Variants in ENTPD1 observed in about 807,000 individuals in gnomAD.
The protein encoded by ENTPD1 is ATP diphosphohydrolase.
Under a neutral mutation model 57.0 loss-of-function variants are expected in ENTPD1, and 33 were observed. The observed-to-expected ratio is 0.58, with a 90% confidence interval of 0.44 to 0.77. The LOEUF (loss-of-function observed/expected upper bound fraction) is 0.77. Ranked by LOEUF, ENTPD1 falls within the 30% of genes least tolerant of loss-of-function variation. ENTPD1 has a pLI of 0.00. For synonymous variants in ENTPD1, 202 were observed against 218.8 expected (o/e 0.92, Z 0.68); for missense variants, 501 against 603.4 (o/e 0.83, Z 1.78).
At chr10:95,772,300 T>C (rs2098118426) in intron 1 of ENTPD1, among the ~76,000 whole-genome samples, 1 of 152,240 alleles carries the variant, frequency 6.6e-6, no homozygotes, top group Non-Finnish European at 1.5e-5. Flanking sequence ...CAGATTTCTC[T>C]GTAGCATGTG....
At position 95,785,308 on chromosome 10, in the gene ENTPD1, T is replaced by C. The variant is rs373235109; in HGVS notation, c.16+29053T>C. ...AGATAAACCTACCTTCCAATCATAGTTCTGCTTCTTACTAGCTGTCCCACC... is the reference window on the plus strand; with the variant it reads ...AGATAAACCTACCTTCCAATCATAGCTCTGCTTCTTACTAGCTGTCCCACC... On this transcript the variant is annotated intron_variant, in intron 1 of 9. Coordinates refer to ENST00000371205, the MANE Select transcript of ENTPD1 (RefSeq NM_001776.6). 3 of 152,368 alleles carry C rather than the reference T, an allele frequency of 2.0e-5. No individual in the cohort carries two copies. In the South Asian group the frequency reaches 6.2e-4, roughly 32 times the overall value. The allele number at this position is 152,368 out of a possible 1,614,324, so 9.4% of individuals were successfully genotyped here.
intron 6 of ENTPD1, chr10:95,845,865 G>A (rs528954114): frequency 2.0e-6 from 1 of 511,620 alleles, no homozygotes; most frequent in South Asian, 2.3e-5. Flanking sequence ...TCGTGGGGTT[G>A]ATAATGAAAA....
At chr10:95,845,262 G>A in intron 5 of ENTPD1, 95 bp from the exon 6 acceptor site, 2 of 1,581,500 alleles carry the variant, frequency 1.3e-6, no homozygotes, top group Non-Finnish European at 1.7e-6. Context: ...TTATGCCCCT[G>A]TTTCTTTGCC....
chr10:95,721,816 C>T (rs1431171688), intron 1 of ENTPD1, among the ~76,000 whole-genome samples: 5 of 152,116 alleles, frequency 3.3e-5, no homozygotes, highest in East Asian at 3.8e-4. Context: ...CTCTGCTTAT[C>T]GGGTTAGTTA....
At chr10:95,694,701 T>G in the ENTPD1 span, among the ~76,000 whole-genome samples, 1 of 151,876 alleles carries the variant, frequency 6.6e-6, no homozygotes, top group Non-Finnish European at 1.5e-5. Flanking sequence ...AATGGCAAAT[T>G]TTTTAAGCCT....
intron 1 of ENTPD1, among the ~76,000 whole-genome samples, chr10:95,783,231 A>G (rs1013712931): frequency 1.2e-4 from 18 of 152,198 alleles, no homozygotes; most frequent in Non-Finnish European, 1.2e-4. Context: ...CCTAATTCAC[A>G]GTGATTTGTA....
chr10:95,705,092 A>G, the ENTPD1 span, among the ~76,000 whole-genome samples: 428 of 152,302 alleles, frequency 2.8e-3, 2 homozygotes, highest in African/African-American at 1.0e-2. Context: ...AGAATTCCAT[A>G]TCTTTTAAAG....
upstream of ENTPD1, among the ~76,000 whole-genome samples, chr10:95,707,896 C>T (rs947273482): frequency 5.9e-5 from 9 of 152,184 alleles, no homozygotes; most frequent in African/African-American, 1.7e-4. Flanking sequence ...TGAGCCACCT[C>T]TCCTAGCCAT....
chr10:95,756,838 A>G (rs1188429501), intron 1 of ENTPD1: 1 of 147,032 alleles, frequency 6.8e-6, no homozygotes, highest in Non-Finnish European at 1.5e-5. Flanking sequence ...TGTGGGGGAC[A>G]GAGTGGGGGA....
At chr10:95,808,178 T>C (rs1248918665) in intron 1 of ENTPD1, among the ~76,000 whole-genome samples, 2 of 152,202 alleles carry the variant, frequency 1.3e-5, no homozygotes. Flanking sequence ...GAGATAACCA[T>C]GTGGTTTTTG....
chr10:95,810,458 G>A (rs2098300659), intron 1 of ENTPD1, among the ~76,000 whole-genome samples: 1 of 150,214 alleles, frequency 6.7e-6, no homozygotes, highest in Non-Finnish European at 1.5e-5. Flanking sequence ...CAGCCGGGCA[G>A]AGGCGCTCCT....
chr10:95,738,919 C>A (rs2097997382), intron 1 of ENTPD1, among the ~76,000 whole-genome samples: 1 of 152,096 alleles, frequency 6.6e-6, no homozygotes, highest in Admixed American at 6.6e-5. Context: ...AGGTATACTT[C>A]AGAGATATTG....
chr10:95,828,873 G>C (rs2098387328), intron 2 of ENTPD1, among the ~76,000 whole-genome samples: 1 of 152,028 alleles, frequency 6.6e-6, no homozygotes. Flanking sequence ...ACCACACCCG[G>C]CTAATTTTTG....
rs116179372 is a variant in ENTPD1 at position 95,866,835 on chromosome 10, C to T, written c.*452C>T. On this transcript the variant is annotated 3_prime_UTR_variant, in exon 10 of 10. Coordinates refer to ENST00000371205, the MANE Select transcript of ENTPD1 (RefSeq NM_001776.6). ...CCTGTTTGCCATCCATTAAGAAAGC[C>T]ATATGATGCCTTTGGAGAAGGCAGA... 1,214 of 1,052,578 alleles carry T rather than the reference C, an allele frequency of 1.2e-3. 7 individuals are homozygous for T. In the African/African-American group the frequency reaches 0.019, roughly 17 times the overall value. 65.2% of individuals were successfully genotyped at this position (1,052,578 alleles called of 1,614,324 possible). A position where few individuals can be genotyped will look rare whatever the true frequency, so the allele number is the denominator to read the frequency against.
rs1288158494 is a variant in ENTPD1 at position 95,871,576 on chromosome 10, A to G, written c.*5193A>G. Reference sequence around the variant, plus strand: ...TATCACAGGTATAATGGATTTTTCAATAGTGAGGAGGTGCCTCCATGAGCC... The same window carrying G: ...TATCACAGGTATAATGGATTTTTCAGTAGTGAGGAGGTGCCTCCATGAGCC... On this transcript the variant is annotated 3_prime_UTR_variant, in exon 10 of 10. Transcript: ENST00000371205. 5.1e-6 allele frequency: 5 copies of G among 985,354 alleles called. No homozygotes were observed. The African/African-American group carries it at 8.7e-5, about 17-fold the overall frequency. 61.0% of individuals were successfully genotyped at this position (985,354 alleles called of 1,614,324 possible). A position where few individuals can be genotyped will look rare whatever the true frequency, so the allele number is the denominator to read the frequency against.
chr10:95,810,067 C>T (rs2098297147), intron 1 of ENTPD1, among the ~76,000 whole-genome samples: 3 of 117,534 alleles, frequency 2.6e-5, no homozygotes, highest in South Asian at 3.1e-4. Context: ...CAGACAGGGT[C>T]GCGGTCGGGC....
rs980684205 is a variant in ENTPD1 at position 95,872,065 on chromosome 10, C to G, written c.*5682C>G. On this transcript the variant is annotated 3_prime_UTR_variant, in exon 10 of 10. Transcript: ENST00000371205. ...GCTCCATCACTGGGACCTCCCCATT[C>G]TGCCTGTGCAATATTTTTCTTTTTT... 4 of 985,326 alleles carry G rather than the reference C, an allele frequency of 4.1e-6. No individual in the cohort carries two copies. In the African/African-American group the frequency reaches 7.0e-5, roughly 17 times the overall value. The allele number at this position is 985,326 out of a possible 1,614,324, so 61.0% of individuals were successfully genotyped here.
chr10:95,790,155 C>T (rs995056608), intron 1 of ENTPD1, among the ~76,000 whole-genome samples: 1 of 152,090 alleles, frequency 6.6e-6, no homozygotes, highest in African/African-American at 2.4e-5. Context: ...CGGTGGTTGC[C>T]CACCACTTCA....
Position 95,866,497 on chromosome 10 carries a change from C to CGAG in ENTPD1, c.*115_*117dup, listed in dbSNP as rs2098474709. ...CCCTGTCTGCCAGGGCCAGTCTTGA[C>CGAG]GAGTGTGAAGCTTCCTTGGCTTTTA... On this transcript the variant is annotated 3_prime_UTR_variant, in exon 10 of 10. Coordinates refer to ENST00000371205, the MANE Select transcript of ENTPD1 (RefSeq NM_001776.6). The CGAG allele has an allele frequency of 6.5e-7, 1 of 1,548,376 alleles. No homozygotes were observed. The highest frequency in any genetic ancestry group is 8.7e-7 in the Non-Finnish European group (1 of 1,148,376).
Sources: gnomAD v4.1 joint callset for allele counts (sites outside exome capture counted in the v4.1 genomes callset) on GRCh38, gnomAD v4.1.1 for gene constraint, MANE v1.5 for transcripts, NCBI Gene and HGNC (gene_info 2026-07-23, HGNC 2026-07-21) for gene names.